The following GFM2 variants were observed in gnomAD, a reference collection of about 807,000 sequenced individuals.
The protein encoded by GFM2 is GTP dependent ribosome recycling factor mitochondrial 2.
A neutral mutation model predicts 95.4 loss-of-function variants in GFM2; 72 were observed. The ratio of observed to expected loss-of-function variants is 0.76; its 90% confidence interval spans 0.62 to 0.92. The LOEUF is 0.92. Among genes scored for constraint, GFM2 ranks in the 40% least tolerant of loss-of-function variants. GFM2 has a pLI of 0.00. For synonymous variants in GFM2, 276 were observed against 317.5 expected, an observed-to-expected ratio of 0.87 and a Z score of 1.39; for missense variants, 825 against 924.1, an observed-to-expected ratio of 0.89 and a Z score of 1.39.
intron 5 of GFM2, among the ~76,000 whole-genome samples, chr5:74,751,812 C>T (rs1033603717): frequency 6.6e-6 from 1 of 152,136 alleles, no homozygotes; most frequent in Non-Finnish European, 1.5e-5. Context: ...TGATGTCCCT[C>T]CCTCCTGATC....
intron 5 of GFM2, among the ~76,000 whole-genome samples, chr5:74,751,999 A>G (rs1252976740): frequency 2.0e-5 from 3 of 152,150 alleles, no homozygotes; most frequent in Non-Finnish European, 4.4e-5. Context: ...AGGAGACAAT[A>G]TATATAAAGT....
intron 15 of GFM2, chr5:74,736,249 G>T (rs1742827097): frequency 2.3e-6 from 1 of 439,916 alleles, no homozygotes; most frequent in Non-Finnish European, 3.0e-6. Context: ...AATTATAATT[G>T]GAATCATGGG....
At chr5:74,747,846 G>A in intron 7 of GFM2, 66 bp from the exon 8 acceptor site, 1 of 848,818 alleles carries the variant, frequency 1.2e-6, no homozygotes, top group Non-Finnish European at 1.9e-6. Context: ...GACCTGGAAT[G>A]AAGAGATCCA....
chr5:74,758,873 A>C lies in GFM2; in HGVS notation c.280T>G (p.Ser94Ala). 1 of 1,604,170 alleles carries C rather than the reference A, an allele frequency of 6.2e-7. No homozygotes were observed. Among genetic ancestry groups the C allele is most frequent in the Admixed American group, 1.7e-5 (1 of 59,984 alleles). Residue 94 changes from serine to alanine, a missense_variant, in exon 5 of 21, where the codon TCC becomes GCC. By Grantham distance (99) the Ser-to-Ala change is moderately conservative. Coordinates refer to ENST00000296805, the MANE Select transcript of GFM2 (RefSeq NM_032380.5). ...CCTCCCAGTGATCTTGTATATCCGG[A>C]ATAGTACAATATTCTTTCTGTGGTG... ...TTTTERILYY[S>A]GYTRSLGDVD...
At chr5:74,722,648 G>T in intron 19 of GFM2, 87 bp from the exon 20 acceptor site, 1 of 1,080,482 alleles carries the variant, frequency 9.3e-7, no homozygotes, top group Non-Finnish European at 1.3e-6. Flanking sequence ...AAAGACATAA[G>T]CTTGCTTTAA....
Position 74,760,937 on chromosome 5 carries a change from T to A in GFM2, c.113A>T (p.His38Leu), listed in dbSNP as rs1243414252. 6.2e-7 allele frequency: 1 copy of A among 1,611,204 alleles called. No homozygotes were observed. Among genetic ancestry groups the A allele is most frequent in the Non-Finnish European group, 8.5e-7 (1 of 1,177,698 alleles). Reference protein sequence around the residue: ...IRASLKRLKPHVPLGRNCSSL... With the variant: ...IRASLKRLKPLVPLGRNCSSL... ...ACTGCAATTTCTTCCAAGCGGCACA[T>A]GTGGCTTTAATCTTTTTAAACTTGC... Residue 38 changes from histidine to leucine, a missense_variant, in exon 3 of 21, where the codon CAT becomes CTT. Transcript: ENST00000296805.
chr5:74,733,171 C>CA (rs1742662454), intron 15 of GFM2, 73 bp from the exon 16 acceptor site: 1 of 1,111,944 alleles, frequency 9.0e-7, no homozygotes, highest in Admixed American at 1.8e-5. Flanking sequence ...GTGGGTAAAA[C>CA]AGATGGATAA....
In GFM2 at chr5:74,732,128, ATTTTTTTTTT is replaced by A. The variant is rs533165001; in HGVS notation, c.1587+884_1587+893del. On this transcript the variant is annotated intron_variant, in intron 16 of 20. Coordinates refer to ENST00000296805, the MANE Select transcript of GFM2 (RefSeq NM_032380.5). Reference sequence around the variant, plus strand: ...TGCCATCATGCCTGGCTAATTTTTAATTTTTTTTTTTTTTTTTTTTTTTTGTAGAGACAGG... The same window carrying A: ...TGCCATCATGCCTGGCTAATTTTTAATTTTTTTTTTTTTTGTAGAGACAGG... Among the ~76,000 whole-genome samples, 5 of 85,426 alleles carry A rather than the reference ATTTTTTTTTT, an allele frequency of 5.9e-5. No homozygotes were observed. The East Asian group carries it at 1.0e-3, about 17-fold the overall frequency. The allele number at this position is 85,426 out of a possible 152,430, so 56.0% of individuals were successfully genotyped here.
Position 74,721,502 on chromosome 5 carries a change from C to T in GFM2, c.*153G>A. ...TAAATTAAAACGGGTGGCTCCAGTG[C>T]CACTATCAAAGCTTAAGTTATATCT... On this transcript the variant is annotated 3_prime_UTR_variant, in exon 21 of 21. Transcript: ENST00000296805. 1 of 875,924 alleles carries T rather than the reference C, an allele frequency of 1.1e-6. No homozygotes were observed. The highest frequency in any genetic ancestry group is 1.8e-6 in the Non-Finnish European group (1 of 545,146). 54.3% of individuals were successfully genotyped at this position (875,924 alleles called of 1,614,324 possible). A position where few individuals can be genotyped will look rare whatever the true frequency, so the allele number is the denominator to read the frequency against.
At chr5:74,737,032 C>T (rs560665095) in intron 14 of GFM2, 47 bp from the exon 15 acceptor site, 10 of 1,597,388 alleles carry the variant, frequency 6.3e-6, no homozygotes, top group South Asian at 5.6e-5. Context: ...ATTTAGCAAG[C>T]GCTCATCTTA....
At chr5:74,726,211 A>G in intron 17 of GFM2, 85 bp from the exon 18 acceptor site, 2 of 871,096 alleles carry the variant, frequency 2.3e-6, no homozygotes, top group African/African-American at 1.7e-5. Flanking sequence ...ATCATCAACA[A>G]GCTCAGGGTC....
At chr5:74,756,065 C>G (rs566800949) in intron 5 of GFM2, among the ~76,000 whole-genome samples, 1 of 152,196 alleles carries the variant, frequency 6.6e-6, no homozygotes, top group African/African-American at 2.4e-5. Flanking sequence ...ATCTGCAAGT[C>G]AATAAATGTG....
At chr5:74,755,594 C>G (rs1299264485) in intron 5 of GFM2, among the ~76,000 whole-genome samples, 2 of 152,122 alleles carry the variant, frequency 1.3e-5, no homozygotes, top group Non-Finnish European at 2.9e-5. Context: ...CTACTATGAA[C>G]ACCTTTACGC....
At chr5:74,757,731 TAA>T (rs35313753) in intron 5 of GFM2, among the ~76,000 whole-genome samples, 932 of 89,138 alleles carry the variant, frequency 0.01, 14 homozygotes, top group African/African-American at 0.034. Context: ...CCTATGTCTC[TAA>T]AAAAAAAAAA....
rs1196820987 is a variant in GFM2, at chr5:74,748,720, C to G, written c.520-940G>C. On this transcript the variant is annotated intron_variant, in intron 7 of 20. Transcript: ENST00000296805. The stretch of plus-strand genomic sequence containing the variant: ...TCTCTACTAAAAATACAAAAATTAG[C>G]CAGGCGTGGTGGTGCACGCCTGTAG... 3.3e-5 allele frequency among the ~76,000 whole-genome samples: 5 copies of G among 151,380 alleles called. No homozygotes were observed. In the South Asian group the frequency reaches 8.4e-4, roughly 25 times the overall value.
Position 74,759,384 on chromosome 5 carries a change from T to G in GFM2, c.191A>C (p.Asn64Thr). 1.3e-6 allele frequency: 2 copies of G among 1,532,814 alleles called. No homozygotes were observed. Among genetic ancestry groups the G allele is most frequent in the Non-Finnish European group, 1.8e-6 (2 of 1,111,842 alleles). The allele number at this position is 1,532,814 out of a possible 1,614,324, so 95.0% of individuals were successfully genotyped here. Residue 64 changes from asparagine to threonine, a missense_variant, in exon 4 of 21, where the codon AAT (asparagine) becomes ACT (threonine). Transcript: ENST00000296805. The stretch of plus-strand genomic sequence containing the variant: ...TAGTACTTACTTAGCTATGGGAGGA[T>G]TGATGATGGAATGAAGGGATTTGAT... ...NDIKSLHSII[N>T]PPIAKIRNIG...
Position 74,721,297 on chromosome 5 carries a change from C to T in GFM2, c.*358G>A, listed in dbSNP as rs1308847954. ...TATTTTTATTGATTGAACCTTTGAC[C>T]CTCTATCTTATTACATTTAGAGGCC... On this transcript the variant is annotated 3_prime_UTR_variant, in exon 21 of 21. Transcript: ENST00000296805. The T allele has an allele frequency of 1.1e-6, 1 of 871,782 alleles. No individual in the cohort carries two copies. Among genetic ancestry groups the T allele is most frequent in the South Asian group, 1.4e-5 (1 of 71,110 alleles). 54.0% of individuals were successfully genotyped at this position (871,782 alleles called of 1,614,324 possible).
chr5:74,758,913 A>C lies in GFM2; in HGVS notation c.240T>G (p.Asp80Glu). The C allele has an allele frequency of 2.5e-6, 4 of 1,608,920 alleles. No homozygotes were observed. The highest frequency in any genetic ancestry group is 3.4e-6 in the Non-Finnish European group (4 of 1,175,288). ...IRNIGIMAHI[D>E]AGKTTTTERI... ...TTTCTGTGGTGGTAGTTTTGCCTGC[A>C]TCAATATGAGCCATAATTCCAATAT... Residue 80 changes from aspartate to glutamate, a missense_variant, in exon 5 of 21, where the codon GAT becomes GAG. Transcript: ENST00000296805.
At chr5:74,724,937 C>T (rs1040737684) in intron 19 of GFM2, among the ~76,000 whole-genome samples, 5 of 152,100 alleles carry the variant, frequency 3.3e-5, no homozygotes, top group African/African-American at 4.8e-5. Flanking sequence ...GGAGGGTCCA[C>T]GACACTTAAG....
Sources: gnomAD v4.1 joint callset for allele counts (sites outside exome capture counted in the v4.1 genomes callset) on GRCh38, gnomAD v4.1.1 for gene constraint, MANE v1.5 for transcripts, NCBI Gene and HGNC (gene_info 2026-07-23, HGNC 2026-07-21) for gene names.